The following SCNN1B variants were observed in gnomAD, a reference collection of about 807,000 sequenced individuals.
The protein encoded by SCNN1B is epithelial sodium channel subunit beta.
SCNN1B carries 46 observed loss-of-function variants against 65.3 expected under a neutral mutation model. The observed-to-expected ratio is 0.70, with a 90% confidence interval of 0.56 to 0.90. The LOEUF (loss-of-function observed/expected upper bound fraction) is 0.90. Among genes scored for constraint, SCNN1B ranks in the 40% least tolerant of loss-of-function variants. The pLI, the probability that SCNN1B is intolerant of heterozygous loss-of-function variation, is 0.00. For synonymous variants in SCNN1B, 349 were observed against 330.6 expected (o/e 1.06, Z -0.60); for missense variants, 751 against 830.5 (o/e 0.90, Z 1.18).
chr16:23,362,317 C>A (rs1289017710), intron 4 of SCNN1B, among the ~76,000 whole-genome samples: 2 of 148,866 alleles, frequency 1.3e-5, no homozygotes, highest in Non-Finnish European at 3.0e-5. Context: ...TGCACTCCAG[C>A]CTGAGCAATC....
At chr16:23,303,476 A>C (rs1961128554) in intron 1 of SCNN1B, among the ~76,000 whole-genome samples, 1 of 152,212 alleles carries the variant, frequency 6.6e-6, no homozygotes, top group Admixed American at 6.5e-5. Context: ...ACAGGGATCC[A>C]TTCTTCTTCC....
intron 1 of SCNN1B, among the ~76,000 whole-genome samples, chr16:23,338,101 CT>C (rs759975911): frequency 6.6e-6 from 1 of 152,102 alleles, no homozygotes; most frequent in Non-Finnish European, 1.5e-5. Context: ...AAAAGAAAGG[CT>C]CATTTAATAC....
In SCNN1B at chr16:23,380,069, C is replaced by G. The variant is rs747856984; in HGVS notation, c.1467-25C>G. 1 of 1,587,028 alleles carries G rather than the reference C, an allele frequency of 6.3e-7. No homozygotes were observed. Among genetic ancestry groups the G allele is most frequent in the Non-Finnish European group, 8.7e-7 (1 of 1,155,562 alleles). On this transcript the variant is annotated intron_variant, in intron 11 of 12. Transcript: ENST00000343070. The surrounding 1 kb of genome is among the most constrained non-coding windows in gnomAD (Gnocchi z 5.4). Reference sequence around the variant, plus strand: ...GTTTGGAAGGGGGATACATTAGTCCCGGCCCTTCTCGCTGCCTCCTGCAGG... The same window carrying G: ...GTTTGGAAGGGGGATACATTAGTCCGGGCCCTTCTCGCTGCCTCCTGCAGG...
At chr16:23,356,686 C>A (rs1962428724) in intron 4 of SCNN1B, among the ~76,000 whole-genome samples, 1 of 151,884 alleles carries the variant, frequency 6.6e-6, no homozygotes, top group South Asian at 2.1e-4. Context: ...TGTAAATATT[C>A]TTTTTCCCTA....
At chr16:23,308,665 C>T (rs1961272796) in intron 1 of SCNN1B, among the ~76,000 whole-genome samples, 2 of 152,234 alleles carry the variant, frequency 1.3e-5, no homozygotes, top group Admixed American at 1.3e-4. Context: ...GAGACAGAGT[C>T]TGACTGTCAC....
At chr16:23,355,555 G>A in intron 4 of SCNN1B, 66 bp downstream of exon 4, 1 of 1,528,972 alleles carries the variant, frequency 6.5e-7, no homozygotes, top group South Asian at 1.1e-5. Flanking sequence ...TGTTACGGTT[G>A]GGAGCACAGC....
intron 1 of SCNN1B, among the ~76,000 whole-genome samples, chr16:23,321,385 G>A (rs2141994472): frequency 6.6e-6 from 1 of 152,198 alleles, no homozygotes. Context: ...GCCTCTGGCT[G>A]GGGCTCCCTG....
intron 1 of SCNN1B, among the ~76,000 whole-genome samples, chr16:23,317,890 G>A (rs1048818345): frequency 6.6e-6 from 1 of 152,216 alleles, no homozygotes; most frequent in Non-Finnish European, 1.5e-5. Flanking sequence ...CACACATGAT[G>A]AAGGATGCTT....
intron 1 of SCNN1B, among the ~76,000 whole-genome samples, chr16:23,313,761 G>A (rs941976133): frequency 4.6e-5 from 7 of 152,082 alleles, no homozygotes; most frequent in African/African-American, 9.7e-5. Context: ...ATAGGCACGC[G>A]CCACCACGCC....
At chr16:23,291,605 C>T (rs929102303) in intron 2 of SCNN1B, among the ~76,000 whole-genome samples, 1 of 150,872 alleles carries the variant, frequency 6.6e-6, no homozygotes, top group African/African-American at 2.4e-5. Context: ...GACAGGGTCT[C>T]GCTCTGTTGC....
intron 1 of SCNN1B, among the ~76,000 whole-genome samples, chr16:23,336,083 G>A (rs755228531): frequency 3.5e-4 from 53 of 152,274 alleles, no homozygotes; most frequent in Non-Finnish European, 4.7e-4. Flanking sequence ...CAGGTGCCCC[G>A]TCTGAGCTAG....
At chr16:23,362,203 G>A (rs1962567234) in intron 4 of SCNN1B, among the ~76,000 whole-genome samples, 1 of 151,834 alleles carries the variant, frequency 6.6e-6, no homozygotes, top group Non-Finnish European at 1.5e-5. Flanking sequence ...AAATTAGCCG[G>A]GTGTGTTGGC....
At chr16:23,344,736 G>A (rs1249575633) in intron 1 of SCNN1B, among the ~76,000 whole-genome samples, 1 of 152,178 alleles carries the variant, frequency 6.6e-6, no homozygotes, top group Admixed American at 6.5e-5. Flanking sequence ...GCTCACACCT[G>A]TAGTCCAAGC....
At chr16:23,336,520 T>C (rs72654317) in intron 1 of SCNN1B, among the ~76,000 whole-genome samples, 5 of 152,086 alleles carry the variant, frequency 3.3e-5, no homozygotes, top group Admixed American at 2.6e-4. Flanking sequence ...CACAGATGCG[T>C]GCCACCATGC....
intron 1 of SCNN1B, among the ~76,000 whole-genome samples, chr16:23,303,353 C>T (rs1203095488): frequency 1.3e-5 from 2 of 152,090 alleles, no homozygotes; most frequent in African/African-American, 2.4e-5. Flanking sequence ...CTCACAAAGC[C>T]GGGTGGATGG....
At chr16:23,305,369 A>C (rs73542333) in intron 1 of SCNN1B, among the ~76,000 whole-genome samples, 9,422 of 150,628 alleles carry the variant, frequency 0.063, 997 homozygotes, top group African/African-American at 0.22. Flanking sequence ...AAAGCTGGCA[A>C]TGGCCAGGCA....
intron 4 of SCNN1B, among the ~76,000 whole-genome samples, chr16:23,365,599 A>AGAGAG (rs1555488913): frequency 2.8e-4 from 17 of 61,604 alleles, no homozygotes; most frequent in South Asian, 8.8e-4. Flanking sequence ...GAAAGAAAGA[A>AGAGAG]AGAAAGAAAG....
At chr16:23,301,030 TAAAC>T (rs1179557022), upstream of SCNN1B, among the ~76,000 whole-genome samples, 1 of 120,494 alleles carries the variant, frequency 8.3e-6, no homozygotes, top group Non-Finnish European at 1.7e-5. Flanking sequence ...GTATTCCACA[TAAAC>T]AAAAAGTCTC....
chr16:23,371,963 C>G, intron 7 of SCNN1B, 80 bp downstream of exon 7: 1 of 1,066,670 alleles, frequency 9.4e-7, no homozygotes, highest in South Asian at 1.3e-5. Flanking sequence ...TCCGGGAGAG[C>G]TGGCCCCAGC....
Sources: allele counts gnomAD v4.1 joint callset (sites outside exome capture counted in the v4.1 genomes callset), GRCh38; gene constraint gnomAD v4.1.1; non-coding constraint Gnocchi (gnomAD v3.1); transcripts MANE v1.5; gene names NCBI Gene and HGNC (gene_info 2026-07-23, HGNC 2026-07-21).